The following AGBL4 variants were observed in gnomAD, a reference collection of about 807,000 sequenced individuals.
AGBL4 encodes AGBL carboxypeptidase 4.
A neutral mutation model predicts 66.4 loss-of-function variants in AGBL4; 58 were observed. The observed-to-expected ratio is 0.87, with a 90% CI of 0.71 to 1.09. The LOEUF (loss-of-function observed/expected upper bound fraction) is 1.09, where lower values mean the gene tolerates loss of function less well. Among genes scored for constraint, AGBL4 ranks in the 50% least tolerant of loss-of-function variants. The pLI is 0.00. For missense variants in AGBL4, 579 were observed against 631.0 expected, an observed-to-expected ratio of 0.92 and a Z score of 0.88; for synonymous variants, 234 against 222.9, an observed-to-expected ratio of 1.05 and a Z score of -0.44.
At chr1:49,512,384 T>G (rs1227116533) in intron 3 of AGBL4, among the ~76,000 whole-genome samples, 2 of 152,024 alleles carry the variant, frequency 1.3e-5, no homozygotes, top group Admixed American at 6.6e-5. Context: ...GCTCAGATAA[T>G]TAAATTAAAC....
chr1:48,579,171 A>G (rs929737346), intron 11 of AGBL4, among the ~76,000 whole-genome samples: 8 of 152,094 alleles, frequency 5.3e-5, no homozygotes, highest in Non-Finnish European at 8.8e-5. Flanking sequence ...CTTTTCTCCA[A>G]TAGTCTGTAG....
At chr1:49,050,030 G>A (rs544929038) in intron 4 of AGBL4, among the ~76,000 whole-genome samples, 1 of 152,022 alleles carries the variant, frequency 6.6e-6, no homozygotes, top group South Asian at 2.1e-4. Context: ...GGTTGTTCAC[G>A]ACTCCCCAGA....
At chr1:49,042,198 C>G (rs1283806927) in intron 5 of AGBL4, among the ~76,000 whole-genome samples, 1 of 151,964 alleles carries the variant, frequency 6.6e-6, no homozygotes, top group Non-Finnish European at 1.5e-5. Context: ...TGAAGTAGGA[C>G]AGGAGTTTCA....
Position 49,971,909 on chromosome 1 carries a change from T to TG in AGBL4, c.34+51853_34+51854insC, listed in dbSNP as rs1401945991. Among the ~76,000 whole-genome samples, 93 of 69,856 alleles carry TG rather than the reference T, an allele frequency of 1.3e-3. 6 individuals are homozygous for TG. Among genetic ancestry groups the TG allele is most frequent in the African/African-American group, 1.8e-3 (34 of 18,730 alleles). The allele number at this position is 69,856 out of a possible 152,430, so 45.8% of individuals were successfully genotyped here. Reference sequence around the variant, plus strand: ...GTACAAGTGCAGGGTTTTTTTGGGTTTTTTTTTTTTTTTTTTTTTTTTTGC... The same window carrying TG: ...GTACAAGTGCAGGGTTTTTTTGGGTTGTTTTTTTTTTTTTTTTTTTTTTTGC... On this transcript the variant is annotated intron_variant, in intron 1 of 13. Coordinates refer to ENST00000371839, the MANE Select transcript of AGBL4 (RefSeq NM_032785.4).
intron 2 of AGBL4, among the ~76,000 whole-genome samples, chr1:49,799,482 G>C (rs969179944): frequency 1.3e-5 from 2 of 152,270 alleles, no homozygotes; most frequent in South Asian, 4.1e-4. Context: ...ATCTGAGAAA[G>C]TTGTATGCTA....
At chr1:49,333,727 A>G (rs577785580) in intron 3 of AGBL4, among the ~76,000 whole-genome samples, 5 of 152,224 alleles carry the variant, frequency 3.3e-5, no homozygotes, top group Admixed American at 6.5e-5. Context: ...AATAAATTTA[A>G]AATTAAAGAC....
intron 2 of AGBL4, among the ~76,000 whole-genome samples, chr1:49,718,557 G>T (rs1648343975): frequency 6.6e-6 from 1 of 151,954 alleles, no homozygotes; most frequent in Non-Finnish European, 1.5e-5. Flanking sequence ...AAAGCCATAA[G>T]AATCTTCAAT....
intron 5 of AGBL4, among the ~76,000 whole-genome samples, chr1:48,959,242 T>C (rs1335524935): frequency 1.3e-5 from 2 of 152,220 alleles, no homozygotes; most frequent in Non-Finnish European, 2.9e-5. Flanking sequence ...TTATAATACC[T>C]ACTTTTCATG....
intron 2 of AGBL4, among the ~76,000 whole-genome samples, chr1:49,773,236 T>C (rs142600001): frequency 3.9e-5 from 6 of 152,324 alleles, no homozygotes; most frequent in Admixed American, 1.3e-4. Context: ...ATGAATTGTT[T>C]TCCTGATTTT....
chr1:48,548,083 A>G (rs965633817), intron 11 of AGBL4, among the ~76,000 whole-genome samples: 1 of 152,188 alleles, frequency 6.6e-6, no homozygotes, highest in African/African-American at 2.4e-5. Flanking sequence ...CAGTGAACAA[A>G]ACTGGCAAAG....
intron 6 of AGBL4, among the ~76,000 whole-genome samples, chr1:48,696,948 G>A (rs142421177): frequency 6.6e-6 from 1 of 152,210 alleles, no homozygotes; most frequent in Non-Finnish European, 1.5e-5. Context: ...GCACTGGTGG[G>A]TGTCCCTCAC....
At chr1:48,681,660 C>T (rs187889543) in intron 6 of AGBL4, among the ~76,000 whole-genome samples, 3 of 152,216 alleles carry the variant, frequency 2.0e-5, no homozygotes, top group Non-Finnish European at 4.4e-5. Flanking sequence ...GGTTTCTTCT[C>T]CCCACTCCTG....
At chr1:49,171,943 C>G (rs1186844052) in intron 4 of AGBL4, among the ~76,000 whole-genome samples, 3 of 152,168 alleles carry the variant, frequency 2.0e-5, no homozygotes, top group Non-Finnish European at 4.4e-5. Context: ...ATCTTAGAGA[C>G]AGGGACATTT....
At chr1:49,352,497 G>T (rs1643931323) in intron 3 of AGBL4, among the ~76,000 whole-genome samples, 1 of 151,050 alleles carries the variant, frequency 6.6e-6, no homozygotes, top group South Asian at 2.1e-4. Flanking sequence ...CTGGGGCAGA[G>T]AATATCAGCT....
intron 2 of AGBL4, among the ~76,000 whole-genome samples, chr1:49,807,849 GT>G (rs2147963087): frequency 6.6e-6 from 1 of 152,306 alleles, no homozygotes; most frequent in Non-Finnish European, 1.5e-5. Context: ...AATAGGATAA[GT>G]GACCTTACAA....
chr1:48,667,836 GC>G (rs1646212876), intron 6 of AGBL4, among the ~76,000 whole-genome samples: 2 of 152,126 alleles, frequency 1.3e-5, no homozygotes, highest in African/African-American at 4.8e-5. Flanking sequence ...GCCCCAAAGA[GC>G]CCTAGGTGGG....
intron 4 of AGBL4, among the ~76,000 whole-genome samples, chr1:49,204,822 A>G (rs1344963863): frequency 6.6e-6 from 1 of 152,120 alleles, no homozygotes; most frequent in Non-Finnish European, 1.5e-5. Context: ...ATGTCACAGT[A>G]TTTGATGAGC....
chr1:49,935,045 G>A (rs1653804355), intron 1 of AGBL4, among the ~76,000 whole-genome samples: 1 of 152,252 alleles, frequency 6.6e-6, no homozygotes, highest in Non-Finnish European at 1.5e-5. Context: ...CCTCACTCGG[G>A]AAGTGCAAGG....
intron 4 of AGBL4, among the ~76,000 whole-genome samples, chr1:49,154,969 A>G (rs1646403347): frequency 6.6e-6 from 1 of 152,184 alleles, no homozygotes; most frequent in Non-Finnish European, 1.5e-5. Flanking sequence ...GCATCCAACC[A>G]TGAACTTAAA....
Sources: gnomAD v4.1 joint callset for allele counts (sites outside exome capture counted in the v4.1 genomes callset) on GRCh38, gnomAD v4.1.1 for gene constraint, MANE v1.5 for transcripts, NCBI Gene and HGNC (gene_info 2026-07-23, HGNC 2026-07-21) for gene names.